The following CAPZB variants were observed in gnomAD, a reference collection of about 807,000 sequenced individuals.
CAPZB encodes the protein F-actin-capping protein subunit beta.
In CAPZB, 2 loss-of-function variants were observed where a neutral mutation model predicts 38.1. The ratio of observed to expected loss-of-function variants is 0.05; its 90% CI spans 0.02 to 0.17. The LOEUF is 0.17. Among genes scored for constraint, CAPZB ranks in the 10% least tolerant of loss-of-function variants. The pLI, the probability that CAPZB is intolerant of heterozygous loss-of-function variation, is 1.00. For synonymous variants in CAPZB, 107 were observed against 127.4 expected (o/e 0.84, Z 1.08); for missense variants, 161 against 334.2 (o/e 0.48, Z 4.04).
intron 2 of CAPZB, among the ~76,000 whole-genome samples, chr1:19,407,101 T>C (rs1351466715): frequency 6.6e-6 from 1 of 152,214 alleles, no homozygotes; most frequent in African/African-American, 2.4e-5. Flanking sequence ...TAACCAAGAA[T>C]TTTGTAGAAT....
intron 2 of CAPZB, among the ~76,000 whole-genome samples, chr1:19,387,443 C>G (rs2094210136): frequency 2.0e-5 from 3 of 152,252 alleles, no homozygotes; most frequent in South Asian, 4.1e-4. Flanking sequence ...CCGAGGCCAT[C>G]TGGGACCTGA....
chr1:19,410,543 T>G (rs1415349912), intron 2 of CAPZB, among the ~76,000 whole-genome samples: 1 of 152,198 alleles, frequency 6.6e-6, no homozygotes, highest in Non-Finnish European at 1.5e-5. Flanking sequence ...CTGTTCCAAC[T>G]GAGCCCGGGT....
chr1:19,365,384 CTG>C (rs1558188810), intron 4 of CAPZB, among the ~76,000 whole-genome samples: 1 of 152,214 alleles, frequency 6.6e-6, no homozygotes, highest in Non-Finnish European at 1.5e-5. Flanking sequence ...AAGCAGGAGA[CTG>C]TGCAAATGAG....
intron 1 of CAPZB, among the ~76,000 whole-genome samples, chr1:19,434,901 A>G (rs1309271271): frequency 2.6e-5 from 4 of 152,028 alleles, no homozygotes. Context: ...CCTGGGGGAC[A>G]AAACACCCAA....
intron 6 of CAPZB, among the ~76,000 whole-genome samples, chr1:19,355,048 C>A (rs958494114): frequency 6.6e-6 from 1 of 152,214 alleles, no homozygotes; most frequent in African/African-American, 2.4e-5. Flanking sequence ...TCCCTTCTGG[C>A]CTCCAGCCCC....
rs116023703 is a variant in CAPZB, at chr1:19,457,441, C to T, written c.3+27995G>A. ...AGGGCACTGTGTGATCCACCGCATGCTTGAGGAGCTCTTACAATACTATGT... is the reference window on the plus strand; with the variant it reads ...AGGGCACTGTGTGATCCACCGCATGTTTGAGGAGCTCTTACAATACTATGT... On this transcript the variant is annotated intron_variant, in intron 1 of 8. Coordinates refer to ENST00000264202, the MANE Select transcript of CAPZB (RefSeq NM_004930.5). Among the ~76,000 whole-genome samples, 321 of 152,278 alleles carry T rather than the reference C, an allele frequency of 2.1e-3. 2 individuals are homozygous for T. The highest frequency in any genetic ancestry group is 7.3e-3 in the African/African-American group (304 of 41,552).
intron 1 of CAPZB, among the ~76,000 whole-genome samples, chr1:19,481,265 G>C (rs1211432552): frequency 2.0e-5 from 3 of 152,174 alleles, no homozygotes; most frequent in Admixed American, 6.5e-5. Context: ...TCTGGAAATA[G>C]CATATGGCTC....
At chr1:19,369,780 C>A (rs1369497888) in intron 4 of CAPZB, among the ~76,000 whole-genome samples, 1 of 152,232 alleles carries the variant, frequency 6.6e-6, no homozygotes, top group East Asian at 1.9e-4. Context: ...CCCAACCAAA[C>A]CGTCCCTGCA....
chr1:19,412,585 A>G (rs2094361961), intron 2 of CAPZB, among the ~76,000 whole-genome samples: 1 of 152,196 alleles, frequency 6.6e-6, no homozygotes, highest in African/African-American at 2.4e-5. Flanking sequence ...TCCAGAGAGA[A>G]AACAATTTTT....
intron 2 of CAPZB, among the ~76,000 whole-genome samples, chr1:19,389,680 C>T (rs2094222425): frequency 6.6e-6 from 1 of 152,186 alleles, no homozygotes; most frequent in Non-Finnish European, 1.5e-5. Flanking sequence ...CCCACCTCGG[C>T]CACCCAAAGT....
At chr1:19,437,990 C>T (rs1052643047) in intron 1 of CAPZB, among the ~76,000 whole-genome samples, 1 of 152,126 alleles carries the variant, frequency 6.6e-6, no homozygotes, top group Non-Finnish European at 1.5e-5. Context: ...GGAGAACGAT[C>T]GTATTTGGAT....
At chr1:19,400,222 G>T (rs2094295743) in intron 2 of CAPZB, among the ~76,000 whole-genome samples, 1 of 151,972 alleles carries the variant, frequency 6.6e-6, no homozygotes, top group Admixed American at 6.6e-5. Context: ...CCATGGCACA[G>T]GTCTTCGTCA....
chr1:19,382,104 G>A (rs2094178398), intron 3 of CAPZB, among the ~76,000 whole-genome samples: 1 of 152,142 alleles, frequency 6.6e-6, no homozygotes, highest in Non-Finnish European at 1.5e-5. Flanking sequence ...GACCCAAGTG[G>A]CGTTCATTTC....
intron 2 of CAPZB, among the ~76,000 whole-genome samples, chr1:19,400,578 A>G (rs900487835): frequency 6.6e-6 from 1 of 152,188 alleles, no homozygotes; most frequent in African/African-American, 2.4e-5. Context: ...CACGTGGGGA[A>G]GTGGGATCTC....
Position 19,409,902 on chromosome 1 carries a change from G to A in CAPZB, c.93+9759C>T, listed in dbSNP as rs527949795. On this transcript the variant is annotated intron_variant, in intron 2 of 8. Coordinates refer to ENST00000264202, the MANE Select transcript of CAPZB (RefSeq NM_004930.5). ...TCAAATACTGATGTTTGCTCTCTGG[G>A]TCTTTCATGTTCGTTTAATAGTTAA... 2.0e-5 allele frequency among the ~76,000 whole-genome samples: 3 copies of A among 152,292 alleles called. No individual in the cohort carries two copies. The East Asian group carries it at 5.8e-4, about 29-fold the overall frequency.
At chr1:19,423,929 G>A (rs1207953267) in intron 1 of CAPZB, among the ~76,000 whole-genome samples, 3 of 151,660 alleles carry the variant, frequency 2.0e-5, no homozygotes, top group African/African-American at 7.3e-5. Flanking sequence ...CGCCCACCTC[G>A]GCCTCCCAAA....
At chr1:19,474,753 G>A (rs970554097) in intron 1 of CAPZB, among the ~76,000 whole-genome samples, 1 of 152,176 alleles carries the variant, frequency 6.6e-6, no homozygotes, top group Non-Finnish European at 1.5e-5. Context: ...TCGTGCGGGT[G>A]ACGAGGAGCA....
intron 1 of CAPZB, among the ~76,000 whole-genome samples, chr1:19,435,190 T>C (rs1445806381): frequency 6.6e-6 from 1 of 152,140 alleles, no homozygotes; most frequent in Non-Finnish European, 1.5e-5. Flanking sequence ...AGTGGAAACA[T>C]TATTCCTCCA....
chr1:19,340,073 C>T (rs1025743486), intron 8 of CAPZB, among the ~76,000 whole-genome samples: 19 of 152,168 alleles, frequency 1.2e-4, no homozygotes, highest in African/African-American at 4.6e-4. Context: ...GGGAGGACTC[C>T]GGGGCCATGC....
Sources: gnomAD v4.1 joint callset for allele counts (sites outside exome capture counted in the v4.1 genomes callset) on GRCh38, gnomAD v4.1.1 for gene constraint, MANE v1.5 for transcripts, NCBI Gene and HGNC (gene_info 2026-07-23, HGNC 2026-07-21) for gene names.